RALYL: variants seen among roughly 807,000 people sequenced by gnomAD.
The protein encoded by RALYL is RALY RNA binding protein like, also known as RNA-binding Raly-like protein.
Under a neutral mutation model 35.1 loss-of-function variants are expected in RALYL, and 29 were observed. The ratio of observed to expected loss-of-function variants is 0.83; its 90% CI spans 0.61 to 1.13. The LOEUF is 1.13. Among genes scored for constraint, RALYL ranks in the 50% most tolerant of loss-of-function variants. RALYL has a pLI of 0.00. For missense variants in RALYL, 359 were observed against 360.4 expected, an observed-to-expected ratio of 1.00 and a Z score of 0.03; for synonymous variants, 120 against 127.6, an observed-to-expected ratio of 0.94 and a Z score of 0.40.
intron 1 of RALYL, among the ~76,000 whole-genome samples, chr8:84,453,665 C>T (rs2049785825): frequency 6.6e-6 from 1 of 152,012 alleles, no homozygotes; most frequent in African/African-American, 2.4e-5. Context: ...TTGTCTTAGA[C>T]TGATGCTGAT....
intron 1 of RALYL, among the ~76,000 whole-genome samples, chr8:84,472,814 T>C (rs1477291211): frequency 6.6e-6 from 1 of 152,150 alleles, no homozygotes; most frequent in East Asian, 1.9e-4. Flanking sequence ...CTTCCCTTCA[T>C]TCTAACAGCT....
intron 1 of RALYL, among the ~76,000 whole-genome samples, chr8:84,265,009 T>C (rs1485589155): frequency 6.6e-6 from 1 of 152,224 alleles, no homozygotes; most frequent in East Asian, 1.9e-4. Flanking sequence ...ACTAGTCTGA[T>C]GTGTTCTAGA....
At chr8:84,845,087 G>A (rs1834337332) in intron 4 of RALYL, among the ~76,000 whole-genome samples, 1 of 152,026 alleles carries the variant, frequency 6.6e-6, no homozygotes, top group Non-Finnish European at 1.5e-5. Context: ...CCTGCACGTT[G>A]TGCACAAGTA....
chr8:84,647,545 C>T (rs746241993), intron 2 of RALYL, among the ~76,000 whole-genome samples: 3 of 152,030 alleles, frequency 2.0e-5, no homozygotes, highest in Non-Finnish European at 2.9e-5. Context: ...ATTAAGTTAA[C>T]CTATAATGAA....
chr8:84,725,437 T>C (rs1166858345), intron 2 of RALYL, among the ~76,000 whole-genome samples: 1 of 151,708 alleles, frequency 6.6e-6, no homozygotes, highest in Non-Finnish European at 1.5e-5. Context: ...AACAGTAACT[T>C]TGATAATATT....
chr8:84,791,567 T>C (rs1274461960), intron 3 of RALYL, among the ~76,000 whole-genome samples: 2 of 152,030 alleles, frequency 1.3e-5, no homozygotes, highest in African/African-American at 2.4e-5. Flanking sequence ...ATGTTGACAA[T>C]GGATTGTGGA....
At chr8:84,272,751 A>G (rs1416286798) in intron 1 of RALYL, among the ~76,000 whole-genome samples, 3 of 152,174 alleles carry the variant, frequency 2.0e-5, no homozygotes, top group Non-Finnish European at 4.4e-5. Context: ...TGGCTCATAA[A>G]ATACATAAAA....
intron 1 of RALYL, among the ~76,000 whole-genome samples, chr8:84,432,824 AG>A: frequency 6.6e-6 from 1 of 152,208 alleles, no homozygotes; most frequent in African/African-American, 2.4e-5. Context: ...AGCTAAAAAA[AG>A]GCAAGAAAGG....
intron 1 of RALYL, among the ~76,000 whole-genome samples, chr8:84,464,729 A>G (rs1000903115): frequency 5.9e-5 from 9 of 151,944 alleles, no homozygotes; most frequent in Non-Finnish European, 1.3e-4. Flanking sequence ...GACTTCCACA[A>G]TGGTTGAACT....
chr8:84,620,431 G>T (rs1821065703), intron 2 of RALYL, among the ~76,000 whole-genome samples: 2 of 151,982 alleles, frequency 1.3e-5, no homozygotes, highest in South Asian at 4.2e-4. Context: ...TCGAGCCTTG[G>T]TTTGCAGCTC....
chr8:84,461,409 GC>G (rs1368332526), intron 1 of RALYL, among the ~76,000 whole-genome samples: 1 of 151,510 alleles, frequency 6.6e-6, no homozygotes, highest in African/African-American at 2.4e-5. Flanking sequence ...ATGTCAGAAG[GC>G]CCACGGAATT....
intron 2 of RALYL, among the ~76,000 whole-genome samples, chr8:84,569,735 C>G (rs774717484): frequency 3.3e-5 from 5 of 151,800 alleles, no homozygotes; most frequent in African/African-American, 7.3e-5. Flanking sequence ...ACATTTAAGT[C>G]TTTAATCAAT....
At chr8:84,502,077 G>C (rs1263686912) in intron 1 of RALYL, among the ~76,000 whole-genome samples, 2 of 151,386 alleles carry the variant, frequency 1.3e-5, no homozygotes, top group African/African-American at 4.8e-5. Flanking sequence ...TTGACAATTT[G>C]GCAAATGACA....
At chr8:84,759,814 C>T (rs1424411103) in intron 2 of RALYL, among the ~76,000 whole-genome samples, 1 of 152,114 alleles carries the variant, frequency 6.6e-6, no homozygotes. Flanking sequence ...TATAAAATGA[C>T]TGCTATTGAT....
intron 2 of RALYL, among the ~76,000 whole-genome samples, chr8:84,742,461 T>A (rs543125151): frequency 1.8e-3 from 273 of 151,858 alleles, no homozygotes; most frequent in Middle Eastern, 6.8e-3. Context: ...AAAATTGTTT[T>A]AAAAAAAAAT....
chr8:84,552,311 T>C (rs2060780637), intron 2 of RALYL, among the ~76,000 whole-genome samples: 1 of 144,734 alleles, frequency 6.9e-6, no homozygotes, highest in Admixed American at 7.0e-5. Flanking sequence ...GTTTTACCTA[T>C]TGTGTAAACT....
intron 2 of RALYL, among the ~76,000 whole-genome samples, chr8:84,741,715 G>A (rs973040919): frequency 1.3e-5 from 2 of 151,828 alleles, no homozygotes; most frequent in African/African-American, 4.8e-5. Context: ...TCCAAACCAT[G>A]GATATATTTA....
intron 1 of RALYL, 93 bp from the exon 2 acceptor site, chr8:84,529,206 T>C: frequency 7.6e-7 from 1 of 1,315,244 alleles, no homozygotes; most frequent in East Asian, 2.5e-5. Flanking sequence ...CTGAGTGTAA[T>C]ATTGAAAAAC....
At chr8:84,321,781 A>AC in intron 1 of RALYL, among the ~76,000 whole-genome samples, 1 of 152,282 alleles carries the variant, frequency 6.6e-6, no homozygotes, top group Non-Finnish European at 1.5e-5. Flanking sequence ...GCTCTAGTAT[A>AC]ATAATAAATT....
Sources: allele counts gnomAD v4.1 joint callset (sites outside exome capture counted in the v4.1 genomes callset), GRCh38; gene constraint gnomAD v4.1.1; transcripts MANE v1.5; gene names NCBI Gene and HGNC (gene_info 2026-07-23, HGNC 2026-07-21).